The following DMD variants were observed in gnomAD, a reference collection of about 807,000 sequenced individuals.
DMD encodes the protein dystrophin, also known as mutant dystrophin.
A neutral mutation model predicts 330.1 loss-of-function variants in DMD; 63 were observed. The observed-to-expected ratio is 0.19, with a 90% CI of 0.16 to 0.24. The LOEUF is 0.24. DMD is among the 10% of genes least tolerant of loss of function. The probability of loss-of-function intolerance (pLI) is 1.00; values close to 1 mark genes in which losing one functional copy is unlikely to be tolerated. For missense variants in DMD, 3,344 were observed against 2,684.1 expected, an observed-to-expected ratio of 1.25 and a Z score of -5.43; for synonymous variants, 1,223 against 959.8, an observed-to-expected ratio of 1.27 and a Z score of -5.07.
intron 53 of DMD, among the ~76,000 whole-genome samples, chrX:31,670,790 A>G (rs2081720085): frequency 9.0e-6 from 1 of 111,307 alleles, no homozygotes; most frequent in South Asian, 3.8e-4. Flanking sequence ...TAAAAATACC[A>G]TCTTAACTTG....
At chrX:32,463,635 C>A (rs1271559070) in intron 24 of DMD, 41 bp from the exon 25 acceptor site, 3 of 1,058,222 alleles carry the variant, frequency 2.8e-6, no homozygotes, top group Non-Finnish European at 2.5e-6. Flanking sequence ...AAAAAAATTA[C>A]TGCCACATAT....
chrX:33,227,078 TAAATA>T (rs1238310095), intron 1 of DMD, among the ~76,000 whole-genome samples: 1 of 110,481 alleles, frequency 9.1e-6, no homozygotes, highest in Non-Finnish European at 1.9e-5. Context: ...GGGTATCGTT[TAAATA>T]AAATATTTAG....
intron 1 of DMD, among the ~76,000 whole-genome samples, chrX:33,042,243 C>T (rs1289286931): frequency 8.9e-6 from 1 of 111,890 alleles, no homozygotes; most frequent in African/African-American, 3.2e-5. Context: ...AAGTACAAGA[C>T]TGTGAGGCAT....
At chrX:32,838,230 T>C (rs1431526742) in intron 4 of DMD, among the ~76,000 whole-genome samples, 2 of 111,901 alleles carry the variant, frequency 1.8e-5, no homozygotes, top group Non-Finnish European at 3.8e-5. Flanking sequence ...CTATCACTGA[T>C]TTTTCATTTT....
intron 1 of DMD, among the ~76,000 whole-genome samples, chrX:33,237,864 G>A (rs1454065007): frequency 8.9e-6 from 1 of 111,897 alleles, no homozygotes; most frequent in African/African-American, 3.3e-5. Flanking sequence ...CTGAGAATGT[G>A]AACTACACAC....
At chrX:32,779,179 T>C (rs942953037) in intron 7 of DMD, among the ~76,000 whole-genome samples, 27 of 110,879 alleles carry the variant, frequency 2.4e-4, no homozygotes, top group Middle Eastern at 4.6e-3. Flanking sequence ...GGTGGCACAG[T>C]AGCTCACACA....
intron 2 of DMD, among the ~76,000 whole-genome samples, chrX:32,851,791 C>T (rs2081158819): frequency 8.9e-6 from 1 of 111,773 alleles, no homozygotes; most frequent in Admixed American, 9.5e-5. Context: ...GAACCCAGTG[C>T]TGCCCTGTCA....
chrX:31,766,433 T>C (rs2090000749), intron 51 of DMD, among the ~76,000 whole-genome samples: 2 of 111,659 alleles, frequency 1.8e-5, no homozygotes, highest in Admixed American at 1.9e-4. Flanking sequence ...TAATTTTGTA[T>C]TTTTAGTAGA....
intron 55 of DMD, among the ~76,000 whole-genome samples, chrX:31,553,069 G>A (rs1196475839): frequency 9.0e-6 from 1 of 111,499 alleles, no homozygotes; most frequent in African/African-American, 3.3e-5. Flanking sequence ...TGATTCAAGG[G>A]CCGGCAACAT....
chrX:33,318,083 A>T (rs1340800766), intron 1 of DMD, among the ~76,000 whole-genome samples: 2 of 111,197 alleles, frequency 1.8e-5, no homozygotes, highest in East Asian at 5.7e-4. Flanking sequence ...TTGCACTGGT[A>T]CCTTATCACT....
intron 1 of DMD, among the ~76,000 whole-genome samples, chrX:33,198,527 T>C (rs2148819728): frequency 9.0e-6 from 1 of 111,662 alleles, no homozygotes; most frequent in East Asian, 2.8e-4. Flanking sequence ...CTTTGTCATA[T>C]AAAATTTTCA....
intron 73 of DMD, among the ~76,000 whole-genome samples, chrX:31,171,002 A>G (rs976654865): frequency 8.9e-6 from 1 of 112,017 alleles, no homozygotes; most frequent in Admixed American, 9.5e-5. Context: ...CGTAGATACA[A>G]CTCGAATTAA....
At chrX:31,178,555 AAAAG>A (rs2040804630) in intron 70 of DMD, 110 bp downstream of exon 70, 3 of 1,059,870 alleles carry the variant, frequency 2.8e-6, no homozygotes, top group Non-Finnish European at 3.7e-6. Flanking sequence ...AATGTAAATA[AAAAG>A]AAAGAAATAG....
intron 11 of DMD, among the ~76,000 whole-genome samples, chrX:32,630,346 G>A (rs943076131): frequency 2.7e-5 from 3 of 109,655 alleles, no homozygotes; most frequent in Non-Finnish European, 1.9e-5. Flanking sequence ...TATGATTACC[G>A]CTTTTAAGAT....
At chrX:32,723,333 G>A (rs1386201324) in intron 7 of DMD, among the ~76,000 whole-genome samples, 1 of 110,895 alleles carries the variant, frequency 9.0e-6, no homozygotes, top group Admixed American at 9.7e-5. Context: ...ATACTTTATT[G>A]AGGACTTTCA....
chrX:32,298,989 A>G (rs1021234448), intron 42 of DMD, among the ~76,000 whole-genome samples: 1 of 111,322 alleles, frequency 9.0e-6, no homozygotes, highest in African/African-American at 3.3e-5. Flanking sequence ...TGGTGGGATT[A>G]TATACACCTT....
intron 19 of DMD, among the ~76,000 whole-genome samples, chrX:32,495,497 C>A (rs1193056034): frequency 9.0e-6 from 1 of 111,731 alleles, no homozygotes; most frequent in African/African-American, 3.3e-5. Context: ...TACTTACTGA[C>A]ACTGTCACGT....
intron 44 of DMD, among the ~76,000 whole-genome samples, chrX:32,163,298 T>C (rs2035572746): frequency 8.9e-6 from 1 of 112,279 alleles, no homozygotes; most frequent in Admixed American, 9.4e-5. Context: ...ATCACCATTA[T>C]TTCTCATTTG....
At chrX:31,695,688 T>C (rs1438020918) in intron 52 of DMD, among the ~76,000 whole-genome samples, 1 of 111,358 alleles carries the variant, frequency 9.0e-6, no homozygotes, top group Admixed American at 9.6e-5. Context: ...ACACATATCA[T>C]ATAATCTCAT....
Sources: gnomAD v4.1 joint callset for allele counts (sites outside exome capture counted in the v4.1 genomes callset) on GRCh38, gnomAD v4.1.1 for gene constraint, MANE v1.5 for transcripts, NCBI Gene and HGNC (gene_info 2026-07-23, HGNC 2026-07-21) for gene names.